ENTREP3: variants seen among roughly 807,000 people sequenced by gnomAD.
ENTREP3 encodes the protein endosomal transmembrane epsin interactor 3, also known as protein ENTREP3.
At chr1:155,251,664 C>T in the ENTREP3 span, 3 of 1,606,000 alleles carry the variant, frequency 1.9e-6, no homozygotes, top group African/African-American at 1.3e-5. Flanking sequence ...AGATCCCTCT[C>T]TCCAGCAATC....
At chr1:155,254,817 G>A in the ENTREP3 span, 1 of 1,608,244 alleles carries the variant, frequency 6.2e-7, no homozygotes, top group Admixed American at 1.7e-5. This position sits in a 1 kb window ranked among gnomAD's most constrained non-coding sequence, Gnocchi z 4.4. Context: ...AGGTGGGTAA[G>A]GCCCCTGGTG....
chr1:155,251,544 G>T, the ENTREP3 span: 1 of 1,614,024 alleles, frequency 6.2e-7, no homozygotes, highest in Non-Finnish European at 8.5e-7. Flanking sequence ...CATAAGAAGG[G>T]GGGCAATCGG....
chr1:155,252,704 A>ATATATATATATATG, the ENTREP3 span: 15 of 44,098 alleles, frequency 3.4e-4, 2 homozygotes, highest in African/African-American at 1.9e-3. Context: ...ATATATATAT[A>ATATATATATATATG]TATATATATA....
the ENTREP3 span, chr1:155,253,956 C>T: frequency 6.2e-7 from 1 of 1,612,998 alleles, no homozygotes; most frequent in Non-Finnish European, 8.5e-7. Flanking sequence ...AACAGAGGGA[C>T]AGCACACACA....
chr1:155,251,645 C>T, the ENTREP3 span: 2 of 1,605,120 alleles, frequency 1.2e-6, no homozygotes, highest in African/African-American at 1.3e-5. Context: ...AATAATTCCC[C>T]CTCCACAAAG....
the ENTREP3 span, chr1:155,253,736 G>T: frequency 6.2e-7 from 1 of 1,609,138 alleles, no homozygotes; most frequent in Non-Finnish European, 8.5e-7. Flanking sequence ...GCAGGTTCTG[G>T]GGAAGGGAAA....
At chr1:155,250,742 G>T in the ENTREP3 span, 1 of 1,612,930 alleles carries the variant, frequency 6.2e-7, no homozygotes, top group Non-Finnish European at 8.5e-7. This position sits in a 1 kb window ranked among gnomAD's most constrained non-coding sequence, Gnocchi z 5.4. Context: ...GCTCCAGCAG[G>T]CACGAGTCCT....
chr1:155,251,559 G>C, the ENTREP3 span: 1 of 1,614,046 alleles, frequency 6.2e-7, no homozygotes, highest in South Asian at 1.1e-5. Context: ...AATCGGTAGG[G>C]TACAAGGGCA....
chr1:155,250,420 T>TGGGGG, the ENTREP3 span: 2 of 361,664 alleles, frequency 5.5e-6, no homozygotes, highest in Non-Finnish European at 1.1e-5. This position sits in a 1 kb window ranked among gnomAD's most constrained non-coding sequence, Gnocchi z 5.4. Context: ...GGGGCTCGGG[T>TGGGGG]GGGCGGGGCT....
chr1:155,253,801 C>A, the ENTREP3 span: 2 of 1,610,524 alleles, frequency 1.2e-6, no homozygotes, highest in African/African-American at 1.3e-5. Context: ...CCTGTGAGTA[C>A]CCCAGCAGGG....
chr1:155,252,690 G>GTGTA, the ENTREP3 span: 103 of 32,860 alleles, frequency 3.1e-3, 1 homozygote, highest in African/African-American at 0.012. Flanking sequence ...AATTTTGTGT[G>GTGTA]TATATATATA....
At chr1:155,248,390 A>T in the ENTREP3 span, 3 of 1,614,042 alleles carry the variant, frequency 1.9e-6, no homozygotes, top group Non-Finnish European at 2.5e-6. Flanking sequence ...CTGGGGCGCA[A>T]ACCACATGCC....
the ENTREP3 span, chr1:155,252,828 T>TC: frequency 7.1e-6 from 1 of 139,898 alleles, no homozygotes; most frequent in African/African-American, 2.7e-5. Context: ...GTCTCCCCGG[T>TC]TCAAGCAATT....
chr1:155,250,709 C>G, the ENTREP3 span: 30 of 1,612,946 alleles, frequency 1.9e-5, no homozygotes, highest in Non-Finnish European at 2.4e-5. The surrounding 1 kb of genome is among the most constrained non-coding windows in gnomAD (Gnocchi z 5.4). Context: ...GAACGTAGTC[C>G]ACGGAGCGCA....
the ENTREP3 span, chr1:155,248,350 G>C: frequency 3.7e-6 from 6 of 1,613,962 alleles, no homozygotes; most frequent in South Asian, 1.1e-5. Context: ...GGTGGAGAGG[G>C]GGCTGGGCAG....
chr1:155,251,465 G>C, the ENTREP3 span: 1 of 1,506,598 alleles, frequency 6.6e-7, no homozygotes, highest in Admixed American at 1.7e-5. Flanking sequence ...CTACAACCCG[G>C]CTCCCCAGCC....
At chr1:155,250,794 A>G in the ENTREP3 span, 1 of 1,608,880 alleles carries the variant, frequency 6.2e-7, no homozygotes. This position sits in a 1 kb window ranked among gnomAD's most constrained non-coding sequence, Gnocchi z 5.4. Context: ...AATGGCTGAC[A>G]GCACCAGAGA....
chr1:155,251,760 G>T, the ENTREP3 span: 3 of 1,610,710 alleles, frequency 1.9e-6, no homozygotes, highest in Middle Eastern at 1.7e-4. Flanking sequence ...TGAGCTGCAG[G>T]TATACTCTGG....
At chr1:155,250,414 C>A in the ENTREP3 span, 1 of 735,730 alleles carries the variant, frequency 1.4e-6, no homozygotes. The surrounding 1 kb of genome is among the most constrained non-coding windows in gnomAD (Gnocchi z 5.4). Flanking sequence ...CGAGTCGGGG[C>A]TCGGGTGGGC....
Sources: gnomAD v4.1 joint callset for allele counts on GRCh38, gnomAD v4.1.1 for gene constraint, Gnocchi (gnomAD v3.1) non-coding constraint, MANE v1.5 for transcripts, NCBI Gene and HGNC (gene_info 2026-07-23, HGNC 2026-07-21) for gene names.